CWC27: variants seen among roughly 807,000 people sequenced by gnomAD.
CWC27 encodes spliceosome-associated protein CWC27 homolog.
A neutral mutation model predicts 63.6 loss-of-function variants in CWC27; 47 were observed. That is an observed-to-expected ratio of 0.74 (90% confidence interval 0.58 to 0.94). The LOEUF (loss-of-function observed/expected upper bound fraction) is 0.94. Ranked by LOEUF, CWC27 falls within the 40% of genes least tolerant of loss-of-function variation. CWC27 has a pLI of 0.00. For missense variants in CWC27, 495 were observed against 554.3 expected (o/e 0.89, Z 1.07); for synonymous variants, 175 against 179.8 (o/e 0.97, Z 0.22).
At chr5:64,959,948 C>T (rs1748875766) in intron 11 of CWC27, among the ~76,000 whole-genome samples, 1 of 152,046 alleles carries the variant, frequency 6.6e-6, no homozygotes, top group Non-Finnish European at 1.5e-5. Flanking sequence ...TTGGGAGCCA[C>T]GAAGTGTTTT....
At chr5:64,856,545 T>G (rs1163692013) in intron 10 of CWC27, among the ~76,000 whole-genome samples, 1 of 151,976 alleles carries the variant, frequency 6.6e-6, no homozygotes, top group Non-Finnish European at 1.5e-5. Context: ...TTTCAACAAG[T>G]TTTTTTGTTT....
chr5:64,859,535 G>A (rs1361423674), intron 10 of CWC27, among the ~76,000 whole-genome samples: 1 of 152,098 alleles, frequency 6.6e-6, no homozygotes, highest in Non-Finnish European at 1.5e-5. Flanking sequence ...AATCTGTAAG[G>A]CAAGTATTAC....
At chr5:64,967,606 T>C (rs1405809672) in intron 11 of CWC27, among the ~76,000 whole-genome samples, 1 of 151,716 alleles carries the variant, frequency 6.6e-6, no homozygotes, top group Non-Finnish European at 1.5e-5. Flanking sequence ...AGAGAGTGTA[T>C]AGAAATAGAT....
intron 11 of CWC27, among the ~76,000 whole-genome samples, chr5:64,934,188 C>T (rs529471021): frequency 6.6e-6 from 1 of 152,246 alleles, no homozygotes; most frequent in African/African-American, 2.4e-5. Context: ...GTGCCACCAT[C>T]GTTTGCTGCA....
chr5:64,962,448 G>A (rs541092201), intron 11 of CWC27, among the ~76,000 whole-genome samples: 1 of 152,240 alleles, frequency 6.6e-6, no homozygotes, highest in South Asian at 2.1e-4. Context: ...TAGAAGATAG[G>A]GTTTTAATCT....
At chr5:64,795,427 T>C (rs540958922) in intron 7 of CWC27, among the ~76,000 whole-genome samples, 1 of 152,284 alleles carries the variant, frequency 6.6e-6, no homozygotes, top group East Asian at 1.9e-4. Flanking sequence ...TAGTGTCTTA[T>C]ATTTCTGGAG....
intron 11 of CWC27, among the ~76,000 whole-genome samples, chr5:64,959,748 G>A (rs747883650): frequency 2.0e-5 from 3 of 152,174 alleles, no homozygotes; most frequent in Non-Finnish European, 2.9e-5. Context: ...TTCAGTAAAA[G>A]CAGTAAGGTG....
chr5:64,895,688 AGT>A (rs1288239481), intron 11 of CWC27, among the ~76,000 whole-genome samples: 3 of 152,214 alleles, frequency 2.0e-5, no homozygotes, highest in African/African-American at 7.2e-5. Flanking sequence ...ATGTTAAGTA[AGT>A]GTGTGTAATA....
chr5:64,819,526 G>T (rs1745137805), intron 10 of CWC27, among the ~76,000 whole-genome samples: 1 of 151,938 alleles, frequency 6.6e-6, no homozygotes, highest in Non-Finnish European at 1.5e-5. Context: ...TCATGATAGT[G>T]AATAAGTCAC....
intron 11 of CWC27, among the ~76,000 whole-genome samples, chr5:64,930,742 A>G (rs945849577): frequency 6.6e-6 from 1 of 152,136 alleles, no homozygotes; most frequent in Admixed American, 6.5e-5. Flanking sequence ...GAGAAACCGT[A>G]AAACACCTTG....
intron 13 of CWC27, among the ~76,000 whole-genome samples, chr5:64,977,652 C>T (rs989915671): frequency 2.0e-5 from 3 of 152,164 alleles, no homozygotes; most frequent in South Asian, 2.1e-4. Flanking sequence ...TTTCATAATC[C>T]GACTAACTTC....
intron 13 of CWC27, among the ~76,000 whole-genome samples, chr5:65,014,538 A>T (rs1313339694): frequency 6.6e-6 from 1 of 152,068 alleles, no homozygotes; most frequent in African/African-American, 2.4e-5. Context: ...TGTGTAATTA[A>T]TTCCAAAAAA....
chr5:64,831,791 T>A (rs1050143461), intron 10 of CWC27, among the ~76,000 whole-genome samples: 10 of 151,792 alleles, frequency 6.6e-5, no homozygotes, highest in Non-Finnish European at 5.9e-5. Flanking sequence ...TAGAAAAAAA[T>A]AACCATTTTG....
At chr5:64,917,026 G>A (rs1322575875) in intron 11 of CWC27, among the ~76,000 whole-genome samples, 2 of 151,960 alleles carry the variant, frequency 1.3e-5, no homozygotes, top group Non-Finnish European at 2.9e-5. Context: ...AGGATTAATA[G>A]GGATGTTGTC....
intron 10 of CWC27, among the ~76,000 whole-genome samples, chr5:64,815,564 A>G (rs1644766522): frequency 6.6e-6 from 1 of 152,180 alleles, no homozygotes; most frequent in Non-Finnish European, 1.5e-5. Flanking sequence ...AGTCTCTACG[A>G]TTTAAACAGA....
At chr5:64,802,065 A>G (rs531868385) in intron 9 of CWC27, among the ~76,000 whole-genome samples, 1 of 152,192 alleles carries the variant, frequency 6.6e-6, no homozygotes, top group Non-Finnish European at 1.5e-5. Context: ...AGATGATGCT[A>G]TTTATGTCTT....
intron 11 of CWC27, among the ~76,000 whole-genome samples, chr5:64,945,314 T>C (rs1266771248): frequency 2.6e-5 from 4 of 152,158 alleles, no homozygotes; most frequent in African/African-American, 9.7e-5. Context: ...TTTTTGTCCG[T>C]TTTCTTTATT....
At chr5:65,006,784 A>G (rs983010225) in intron 13 of CWC27, among the ~76,000 whole-genome samples, 4 of 152,020 alleles carry the variant, frequency 2.6e-5, no homozygotes, top group Admixed American at 1.3e-4. Flanking sequence ...CAAAGTGTAC[A>G]TCATGGAAAG....
At chr5:64,882,751 G>T (rs921754240) in intron 10 of CWC27, among the ~76,000 whole-genome samples, 1 of 151,986 alleles carries the variant, frequency 6.6e-6, no homozygotes, top group Non-Finnish European at 1.5e-5. Context: ...CCGCCACCCC[G>T]CCTGGCCAAT....
Sources: gnomAD v4.1 joint callset for allele counts (sites outside exome capture counted in the v4.1 genomes callset) on GRCh38, gnomAD v4.1.1 for gene constraint, MANE v1.5 for transcripts, NCBI Gene and HGNC (gene_info 2026-07-23, HGNC 2026-07-21) for gene names.